Variants in SMC3 observed in about 807,000 individuals in gnomAD.
SMC3 encodes structural maintenance of chromosomes 3, also known as structural maintenance of chromosomes protein 3.
A neutral mutation model predicts 171.8 loss-of-function variants in SMC3; 20 were observed. That is an observed-to-expected ratio of 0.12 (90% CI 0.08 to 0.17). SMC3 has a LOEUF of 0.17. Ranked by LOEUF, SMC3 falls within the 10% of genes least tolerant of loss-of-function variation. The pLI, the probability that SMC3 is intolerant of heterozygous loss-of-function variation, is 1.00. For missense variants in SMC3, 543 were observed against 1,420.4 expected (o/e 0.38, Z 9.93); for synonymous variants, 464 against 451.1 (o/e 1.03, Z -0.36).
At chr10:110,568,038 C>A (rs941439755) in intron 1 of SMC3, among the ~76,000 whole-genome samples, 1 of 152,212 alleles carries the variant, frequency 6.6e-6, no homozygotes, top group South Asian at 2.1e-4. Flanking sequence ...CCTTTGCAGC[C>A]CCGGCCTCCC....
At chr10:110,594,109 T>TTTGGTAC (rs11283241) in intron 18 of SMC3, among the ~76,000 whole-genome samples, 1 of 151,790 alleles carries the variant, frequency 6.6e-6, no homozygotes, top group East Asian at 1.9e-4. Context: ...AATGTGATCA[T>TTTGGTAC]ATAGCAGGGG....
At position 110,589,941 on chromosome 10, in the gene SMC3, A is replaced by C; in HGVS notation, c.1459A>C (p.Arg487=). The change falls in exon 15 of 29, where the codon AGA becomes CGA. Residue 487 remains arginine, a synonymous_variant. Coordinates refer to ENST00000361804, the MANE Select transcript of SMC3 (RefSeq NM_005445.4). ...NAEQQALAAK[R]EDLEKKQQLL... ...AGAACAGCAAGCACTTGCTGCTAAA[A>C]GAGAAGATCTTGAAAAGAAGCAACA... The C allele has an allele frequency of 6.2e-7, 1 of 1,614,070 alleles. No individual in the cohort carries two copies. The highest frequency in any genetic ancestry group is 8.5e-7 in the Non-Finnish European group (1 of 1,179,990).
chr10:110,590,456 C>T lies in SMC3; in HGVS notation c.1554C>T (p.His518=). 6.2e-7 allele frequency: 1 copy of T among 1,614,030 alleles called. No homozygotes were observed. The highest frequency in any genetic ancestry group is 8.5e-7 in the Non-Finnish European group (1 of 1,179,898). ...GIDSINKVLD[H]FRRKGINQHV... is the part of the protein sequence containing the mutation. ...ACAGCATAAACAAAGTGCTAGACCA[C>T]TTCCGTCGAAAAGGAATAAACCAGC... Residue 518 remains histidine (H), a synonymous_variant, in exon 16 of 29, where the codon CAC becomes CAT. Coordinates refer to ENST00000361804, the MANE Select transcript of SMC3 (RefSeq NM_005445.4).
chr10:110,600,249 G>C (rs1861365601), intron 21 of SMC3, among the ~76,000 whole-genome samples, 190 bp from the exon 22 acceptor site: 1 of 152,174 alleles, frequency 6.6e-6, no homozygotes. Context: ...AAAAGGGCCA[G>C]CCACAAAAAT....
intron 18 of SMC3, among the ~76,000 whole-genome samples, chr10:110,596,187 A>T (rs1329939216): frequency 7.1e-6 from 1 of 141,008 alleles, no homozygotes. Flanking sequence ...GCACCACTGC[A>T]CTCCAGCCTG....
intron 13 of SMC3, among the ~76,000 whole-genome samples, chr10:110,586,329 G>A (rs1003835717): frequency 1.3e-5 from 2 of 152,184 alleles, no homozygotes; most frequent in Admixed American, 1.3e-4. Context: ...AAGTCCAGTC[G>A]TGCTGTGGGT....
chr10:110,568,853 A>T, intron 1 of SMC3, 85 bp from the exon 2 acceptor site: 1 of 825,062 alleles, frequency 1.2e-6, no homozygotes, highest in Middle Eastern at 2.3e-4. Flanking sequence ...ATATTGCATT[A>T]AATGAAAAAC....
chr10:110,597,380 TAAG>T (rs983440475), intron 19 of SMC3, among the ~76,000 whole-genome samples: 6 of 152,162 alleles, frequency 3.9e-5, no homozygotes, highest in Admixed American at 2.6e-4. Flanking sequence ...TGCTTTGGTA[TAAG>T]AAGTACTTTA....
chr10:110,590,039 T>TA (rs772159553), intron 15 of SMC3, 48 bp downstream of exon 15: 128 of 1,503,790 alleles, frequency 8.5e-5, no homozygotes, highest in Non-Finnish European at 1.1e-4. Context: ...GTCATTGAGT[T>TA]AATCGTTATG....
At chr10:110,568,634 C>T (rs951752392) in intron 1 of SMC3, 9 of 382,176 alleles carry the variant, frequency 2.4e-5, no homozygotes, top group Non-Finnish European at 4.3e-5. Context: ...TATTGTACTG[C>T]AGCGTTTAGG....
At chr10:110,594,012 A>C (rs373621399) in intron 18 of SMC3, among the ~76,000 whole-genome samples, 2 of 152,116 alleles carry the variant, frequency 1.3e-5, no homozygotes, top group East Asian at 1.9e-4. Flanking sequence ...ATTTATTTTC[A>C]ATTATTTTAT....
At chr10:110,578,395 A>G (rs1860986899) in intron 6 of SMC3, among the ~76,000 whole-genome samples, 1 of 152,226 alleles carries the variant, frequency 6.6e-6, no homozygotes, top group Non-Finnish European at 1.5e-5. Context: ...TTCCTTACAA[A>G]AGAGTAAAAA....
At chr10:110,587,228 A>G (rs1861134861) in intron 13 of SMC3, among the ~76,000 whole-genome samples, 1 of 152,226 alleles carries the variant, frequency 6.6e-6, no homozygotes, top group African/African-American at 2.4e-5. Flanking sequence ...TCTCTTTTCC[A>G]GGTTGTAATG....
rs1411576112 is a variant in SMC3, at chr10:110,605,795, CAACT to C, written c.*1495_*1498del. 6.6e-6 allele frequency among the ~76,000 whole-genome samples: 1 copy of C among 152,116 alleles called. No individual in the cohort carries two copies. Among genetic ancestry groups the C allele is most frequent in the African/African-American group, 2.4e-5 (1 of 41,436 alleles). ...CATTTACCCAAGAATTTTTCTCAAA[CAACT>C]ACCTAAGAATATTCATCATGAATGC... is the stretch of plus-strand genomic sequence containing the variant. On this transcript the variant is annotated 3_prime_UTR_variant, in exon 29 of 29. Coordinates refer to ENST00000361804, the MANE Select transcript of SMC3 (RefSeq NM_005445.4).
At chr10:110,592,062 A>G (rs2134738603) in intron 17 of SMC3, among the ~76,000 whole-genome samples, 1 of 152,208 alleles carries the variant, frequency 6.6e-6, no homozygotes, top group South Asian at 2.1e-4. Context: ...TTAGGAGTTC[A>G]AGACCAGCCT....
Position 110,601,142 on chromosome 10 carries a change from T to C in SMC3, c.2644+12T>C. The C allele has an allele frequency of 6.3e-7, 1 of 1,598,288 alleles. No homozygotes were observed. Among genetic ancestry groups the C allele is most frequent in the Non-Finnish European group, 8.6e-7 (1 of 1,165,786 alleles). ...GGCACGATCAGAAGGTGAATTTTTA[T>C]GTAGTAAAATTTTGTTTATATGCAT... On this transcript the variant is annotated intron_variant, in intron 23 of 28. Transcript: ENST00000361804.
chr10:110,575,467 C>T, intron 4 of SMC3, 64 bp downstream of exon 4: 3 of 1,205,408 alleles, frequency 2.5e-6, no homozygotes, highest in Non-Finnish European at 3.6e-6. Context: ...ATTTTCCATG[C>T]TGGTTAAAAA....
At chr10:110,596,301 A>G (rs1323020523) in intron 18 of SMC3, 97 bp from the exon 19 acceptor site, 19 of 1,116,072 alleles carry the variant, frequency 1.7e-5, no homozygotes, top group Admixed American at 5.3e-5. Flanking sequence ...AATTCTCATT[A>G]TCTACTTAAA....
chr10:110,567,968 G>A, intron 1 of SMC3, 137 bp downstream of exon 1: 2 of 1,092,362 alleles, frequency 1.8e-6, no homozygotes, highest in Non-Finnish European at 2.7e-6. Context: ...CTGTGGGGGA[G>A]GAGGGAGACC....
Sources: gnomAD v4.1 joint callset for allele counts (sites outside exome capture counted in the v4.1 genomes callset) on GRCh38, gnomAD v4.1.1 for gene constraint, MANE v1.5 for transcripts, NCBI Gene and HGNC (gene_info 2026-07-23, HGNC 2026-07-21) for gene names.